The following SMC2 variants were observed in gnomAD, a reference collection of about 807,000 sequenced individuals.
SMC2 encodes structural maintenance of chromosomes protein 2.
SMC2 carries 41 observed loss-of-function variants against 142.6 expected under a neutral mutation model. That is an observed-to-expected ratio of 0.29 (90% confidence interval 0.22 to 0.37). The LOEUF is 0.37. Among genes scored for constraint, SMC2 ranks in the 10% least tolerant of loss-of-function variants. The pLI is 1.00. For synonymous variants in SMC2, 463 were observed against 457.5 expected, an observed-to-expected ratio of 1.01 and a Z score of -0.15; for missense variants, 1,265 against 1,373.7, an observed-to-expected ratio of 0.92 and a Z score of 1.25.
At chr9:104,107,763 C>T (rs1831974144) in intron 9 of SMC2, among the ~76,000 whole-genome samples, 1 of 152,222 alleles carries the variant, frequency 6.6e-6, no homozygotes, top group African/African-American at 2.4e-5. Context: ...CTTCATGCCC[C>T]AAAGGCCTTT....
rs1835915919 is a variant in SMC2, at chr9:104,139,846, T to G, written c.*531T>G. On this transcript the variant is annotated 3_prime_UTR_variant, in exon 25 of 25. Transcript: ENST00000374793. Reference sequence around the variant, plus strand: ...ACAACTCCAGACCCCTGATTTAGACTGAGATAGGAAACAGATCTTGAAAGA... The same window carrying G: ...ACAACTCCAGACCCCTGATTTAGACGGAGATAGGAAACAGATCTTGAAAGA... 1 of 152,236 alleles carries G rather than the reference T, an allele frequency of 6.6e-6. No individual in the cohort carries two copies. Among genetic ancestry groups the G allele is most frequent in the South Asian group, 2.1e-4 (1 of 4,834 alleles). 9.4% of individuals were successfully genotyped at this position (152,236 alleles called of 1,614,324 possible).
chr9:104,094,293 GCTCGCGCCGAAATTC>G (rs1830192902), upstream of SMC2: 1 of 398,522 alleles, frequency 2.5e-6, no homozygotes, highest in South Asian at 1.3e-4. Flanking sequence ...GGGGTCCTTT[GCTCGCGCCGAAATTC>G]AAAGGAATAA....
Position 104,124,922 on chromosome 9 carries a change from G to A in SMC2, c.2268G>A (p.Glu756=). The A allele has an allele frequency of 6.3e-7, 1 of 1,588,356 alleles. No homozygotes were observed. The highest frequency in any genetic ancestry group is 2.0e-4 in the Middle Eastern group (1 of 4,920). ...TACTTTGTGATGCAGAGGAAAGTGA[G>A]GAGACTTTGAAAAACACTAAAGAAA... ...DALKKTIEES[E]ETLKNTKEIQ... The change falls in exon 18 of 25, where the codon GAG becomes GAA. Residue 756 remains glutamate (E), a synonymous_variant. Coordinates refer to ENST00000374793, the MANE Select transcript of SMC2 (RefSeq NM_006444.3).
chr9:104,097,846 A>G (rs1830630921), intron 3 of SMC2, among the ~76,000 whole-genome samples: 1 of 150,786 alleles, frequency 6.6e-6, no homozygotes, highest in Non-Finnish European at 1.5e-5. Context: ...AGTTAGAAGA[A>G]TGAGAAACAG....
At chr9:104,103,470 A>C (rs935729084) in intron 9 of SMC2, among the ~76,000 whole-genome samples, 1 of 152,240 alleles carries the variant, frequency 6.6e-6, no homozygotes, top group African/African-American at 2.4e-5. Context: ...AAGATCCAGT[A>C]GAAAAGTCGT....
chr9:104,110,285 G>A (rs555457470), intron 9 of SMC2, among the ~76,000 whole-genome samples: 1 of 152,310 alleles, frequency 6.6e-6, no homozygotes, highest in African/African-American at 2.4e-5. Flanking sequence ...GAGGTCTGCA[G>A]CTGTGGTTGC....
chr9:104,088,980 TAA>T, the SMC2 span, among the ~76,000 whole-genome samples: 47,947 of 146,606 alleles, frequency 0.33, 8,370 homozygotes, highest in East Asian at 0.72. Flanking sequence ...TCACAACAGT[TAA>T]AAAAAAAAAA....
rs1451125764 is a variant in SMC2, at chr9:104,139,172, A to T, written c.3451A>T (p.Asn1151Tyr). 6.3e-7 allele frequency: 1 copy of T among 1,590,914 alleles called. No individual in the cohort carries two copies. The highest frequency in any genetic ancestry group is 8.5e-7 in the Non-Finnish European group (1 of 1,173,320). ...IVVSLKEGMF[N>Y]NANVLFKTKF... ...GGTGTCACTAAAAGAAGGTATGTTC[A>T]ACAATGCAAACGTTCTTTTCAAAAC... The change falls in exon 25 of 25, where the codon AAC becomes TAC. Residue 1151 changes from asparagine (N) to tyrosine (Y), a missense_variant. Around this residue, in one of 4 missense-constraint regions of SMC2, gnomAD observed 192 missense variants for 261.9 expected, o/e 0.73. Coordinates refer to ENST00000374793, the MANE Select transcript of SMC2 (RefSeq NM_006444.3).
intron 10 of SMC2, 122 bp from the exon 11 acceptor site, chr9:104,113,194 C>G (rs1424949632): frequency 1.6e-6 from 1 of 632,642 alleles, no homozygotes; most frequent in Non-Finnish European, 2.5e-6. Context: ...ATCCAAGAGA[C>G]CAAACAATTA....
rs1411556146 is a variant in SMC2 at position 104,095,363 on chromosome 9, C to T, written c.-22C>T. The T allele has an allele frequency of 6.2e-7, 1 of 1,603,892 alleles. No homozygotes were observed. Among genetic ancestry groups the T allele is most frequent in the Admixed American group, 1.7e-5 (1 of 59,342 alleles). On this transcript the variant is annotated 5_prime_UTR_variant, in exon 2 of 25. Transcript: ENST00000374793. ...CTGTTTGATTCCTGTCAGAGGTTTG[C>T]TGACCCAAGACAGTATCGAAAATGC...
chr9:104,117,183 C>A (rs41508244), intron 14 of SMC2, among the ~76,000 whole-genome samples: 8,626 of 152,182 alleles, frequency 0.057, 656 homozygotes, highest in African/African-American at 0.18. Flanking sequence ...TACTTGAAAA[C>A]TCACCATTAA....
chr9:104,113,913 T>A (rs574471737), intron 11 of SMC2, 51 bp from the exon 12 acceptor site: 1 of 1,117,422 alleles, frequency 8.9e-7, no homozygotes, highest in Non-Finnish European at 1.3e-6. Context: ...CTTAAAACAG[T>A]AGAGTGAGCT....
intron 23 of SMC2, among the ~76,000 whole-genome samples, chr9:104,135,112 TA>T (rs1049354904): frequency 5.3e-5 from 8 of 151,956 alleles, no homozygotes; most frequent in East Asian, 1.9e-4. Context: ...TAAAGAAGGT[TA>T]AAAAAAATTG....
chr9:104,120,751 A>G (rs1325775386), intron 16 of SMC2, among the ~76,000 whole-genome samples: 1 of 152,192 alleles, frequency 6.6e-6, no homozygotes, highest in East Asian at 1.9e-4. Context: ...TAATAGAGGT[A>G]TATGTGAATT....
At chr9:104,096,902 A>T (rs937276854) in intron 3 of SMC2, among the ~76,000 whole-genome samples, 1 of 152,092 alleles carries the variant, frequency 6.6e-6, no homozygotes, top group Admixed American at 6.6e-5. Flanking sequence ...GCATTCATCT[A>T]TCTTTCTTTC....
chr9:104,112,582 C>G (rs1039994966), intron 10 of SMC2, among the ~76,000 whole-genome samples: 1 of 152,078 alleles, frequency 6.6e-6, no homozygotes, highest in Non-Finnish European at 1.5e-5. Flanking sequence ...AGATGATAGT[C>G]ACAAATTTAT....
chr9:104,128,476 G>T (rs1418413355), intron 20 of SMC2, among the ~76,000 whole-genome samples: 1 of 152,156 alleles, frequency 6.6e-6, no homozygotes, highest in African/African-American at 2.4e-5. Context: ...GGTCTGCTAA[G>T]AAGTCAATCA....
Position 104,114,680 on chromosome 9 carries a change from T to C in SMC2, c.1533-11T>C. 6.2e-7 allele frequency: 1 copy of C among 1,605,436 alleles called. No homozygotes were observed. Among genetic ancestry groups the C allele is most frequent in the Non-Finnish European group, 8.5e-7 (1 of 1,176,174 alleles). ...ATCTAAGATTAATTTTTGTCAACTTTTGTATTTCAGGGATCCAGAGAAGAA... is the reference window on the plus strand; with the variant it reads ...ATCTAAGATTAATTTTTGTCAACTTCTGTATTTCAGGGATCCAGAGAAGAA... On this transcript the variant is annotated splice_polypyrimidine_tract_variant and intron_variant, in intron 12 of 24. Coordinates refer to ENST00000374793, the MANE Select transcript of SMC2 (RefSeq NM_006444.3).
chr9:104,089,986 G>A (rs1195293106), upstream of SMC2, among the ~76,000 whole-genome samples: 1 of 151,856 alleles, frequency 6.6e-6, no homozygotes, highest in Non-Finnish European at 1.5e-5. Flanking sequence ...CTTCTTTAGA[G>A]AAGTAATTAC....
Sources: gnomAD v4.1 joint callset for allele counts (sites outside exome capture counted in the v4.1 genomes callset) on GRCh38, gnomAD v4.1.1 for gene constraint, gnomAD v4.1.1 regional missense constraint, MANE v1.5 for transcripts, NCBI Gene and HGNC (gene_info 2026-07-23, HGNC 2026-07-21) for gene names.